The following PSMA6 variants were observed in gnomAD, a reference collection of about 807,000 sequenced individuals.
PSMA6 encodes the protein proteasome 20S subunit alpha 6.
For synonymous variants in PSMA6, 88 were observed against 97.7 expected (o/e 0.90, Z 0.59); for missense variants, 170 against 294.8 (o/e 0.58, Z 3.10).
rs1198657779 is a variant in PSMA6 at position 35,308,099 on chromosome 14, C to A, written c.171+11C>A. ...CAGAAGAAAGTACCTGTAAGTAATA[C>A]TGCCCAAATAGTTAATAATTGCAGA... is the stretch of plus-strand genomic sequence containing the variant. On this transcript the variant is annotated intron_variant, in intron 2 of 6. Transcript: ENST00000261479. The A allele has an allele frequency of 5.0e-6, 8 of 1,612,780 alleles. No homozygotes were observed. The highest frequency in any genetic ancestry group is 1.3e-5 in the African/African-American group (1 of 74,878).
chr14:35,314,681 A>C (rs1382839334), intron 6 of PSMA6: 7 of 344,644 alleles, frequency 2.0e-5, no homozygotes, highest in Non-Finnish European at 3.3e-5. Flanking sequence ...TTTTATATCT[A>C]ACACCAGAGA....
chr14:35,314,715 G>T, intron 6 of PSMA6: 1 of 234,892 alleles, frequency 4.3e-6, no homozygotes, highest in Non-Finnish European at 7.7e-6. Flanking sequence ...CCTTCCTTAT[G>T]TAAGGAAAAA....
intron 1 of PSMA6, among the ~76,000 whole-genome samples, chr14:35,296,773 A>G (rs761161739): frequency 5.3e-5 from 8 of 152,164 alleles, no homozygotes; most frequent in Non-Finnish European, 1.0e-4. Flanking sequence ...TCAAAGCAGT[A>G]TTTCTCAACC....
At chr14:35,280,428 C>T (rs1191264948) in intron 1 of PSMA6, among the ~76,000 whole-genome samples, 1 of 149,476 alleles carries the variant, frequency 6.7e-6, no homozygotes, top group Admixed American at 6.7e-5. Context: ...ATCACCCAGG[C>T]TGGAGCTCAG....
intron 1 of PSMA6, among the ~76,000 whole-genome samples, chr14:35,299,425 C>T (rs370596455): frequency 1.4e-5 from 2 of 145,802 alleles, no homozygotes; most frequent in East Asian, 2.1e-4. Flanking sequence ...TGGGTTCAAG[C>T]GATTCTCCTG....
At chr14:35,292,356 A>G (rs979379930), upstream of PSMA6, 5 of 1,526,582 alleles carry the variant, frequency 3.3e-6, no homozygotes, top group Non-Finnish European at 4.4e-6. Context: ...GGCATGCAAG[A>G]GCGGAAGAAA....
intron 4 of PSMA6, among the ~76,000 whole-genome samples, chr14:35,312,012 G>A (rs577417637): frequency 2.6e-5 from 4 of 152,184 alleles, no homozygotes; most frequent in African/African-American, 9.6e-5. Flanking sequence ...ATCTACAACA[G>A]AATATTTCAC....
chr14:35,310,642 A>G, intron 3 of PSMA6, 98 bp from the exon 4 acceptor site: 1 of 1,187,072 alleles, frequency 8.4e-7, no homozygotes, highest in Non-Finnish European at 1.2e-6. Flanking sequence ...TAACTCATGT[A>G]TGTCTATATG....
At chr14:35,287,643 G>A (rs1238230864), upstream of PSMA6, among the ~76,000 whole-genome samples, 1 of 152,158 alleles carries the variant, frequency 6.6e-6, no homozygotes, top group Non-Finnish European at 1.5e-5. Context: ...GCCCCCAGGA[G>A]ATTTTCCAAG....
At chr14:35,285,581 A>G (rs1452412092) in intron 1 of PSMA6, among the ~76,000 whole-genome samples, 1 of 152,188 alleles carries the variant, frequency 6.6e-6, no homozygotes, top group South Asian at 2.1e-4. Context: ...GAGTCAGCCA[A>G]TTAGGAAACC....
chr14:35,304,691 C>T (rs995859297), intron 1 of PSMA6, among the ~76,000 whole-genome samples: 5 of 148,814 alleles, frequency 3.4e-5, no homozygotes, highest in Non-Finnish European at 4.4e-5. Flanking sequence ...TGCACCACTG[C>T]ACTCCAACCT....
intron 1 of PSMA6, among the ~76,000 whole-genome samples, chr14:35,286,718 G>T (rs1201618039): frequency 6.6e-6 from 1 of 152,128 alleles, no homozygotes; most frequent in Non-Finnish European, 1.5e-5. Flanking sequence ...TTATTCTGGG[G>T]AATGGCTGAG....
intron 1 of PSMA6, among the ~76,000 whole-genome samples, chr14:35,285,075 A>C (rs2138703996): frequency 6.6e-6 from 1 of 152,296 alleles, no homozygotes; most frequent in South Asian, 2.1e-4. Context: ...AACTGGAGTC[A>C]GGTGCGATGA....
intron 1 of PSMA6, among the ~76,000 whole-genome samples, chr14:35,281,204 A>G (rs780860877): frequency 1.3e-5 from 2 of 152,156 alleles, no homozygotes; most frequent in African/African-American, 2.4e-5. Context: ...TTTGGTCTCC[A>G]TCTTTTCAGT....
intron 1 of PSMA6, among the ~76,000 whole-genome samples, chr14:35,302,520 C>A (rs12893301): frequency 0.017 from 2,654 of 152,078 alleles, 51 homozygotes; most frequent in Non-Finnish European, 0.023. Flanking sequence ...TTTCTGTTTT[C>A]ATTTTGCTTG....
At chr14:35,292,670 G>C in intron 1 of PSMA6, 118 bp downstream of exon 1, 2 of 1,507,010 alleles carry the variant, frequency 1.3e-6, no homozygotes, top group Non-Finnish European at 1.8e-6. Context: ...GAGCTGGGAA[G>C]GGAGAACGGC....
chr14:35,290,959 A>G (rs2051471218), upstream of PSMA6, among the ~76,000 whole-genome samples: 1 of 150,986 alleles, frequency 6.6e-6, no homozygotes, highest in Non-Finnish European at 1.5e-5. Context: ...GCTTAACCTC[A>G]TTCCCCATTA....
At chr14:35,308,663 A>C (rs1329831523) in intron 2 of PSMA6, 11 of 385,630 alleles carry the variant, frequency 2.9e-5, no homozygotes, top group Non-Finnish European at 4.7e-5. Context: ...ACCTTGAGAC[A>C]AATTTTTATT....
upstream of PSMA6, among the ~76,000 whole-genome samples, chr14:35,287,880 C>T (rs574778250): frequency 5.8e-4 from 88 of 152,240 alleles, no homozygotes; most frequent in Middle Eastern, 6.8e-3. Flanking sequence ...AGCTGCTGCC[C>T]GGAGCCCGTT....
Sources: allele counts gnomAD v4.1 joint callset (sites outside exome capture counted in the v4.1 genomes callset), GRCh38; gene constraint gnomAD v4.1.1; transcripts MANE v1.5; gene names NCBI Gene and HGNC (gene_info 2026-07-23, HGNC 2026-07-21).